OCM: variants seen among roughly 807,000 people sequenced by gnomAD.
The protein encoded by OCM is oncomodulin-1.
Under a neutral mutation model 14.1 loss-of-function variants are expected in OCM, and 18 were observed. That is an observed-to-expected ratio of 1.28 (90% CI 0.88 to 1.89). The LOEUF (loss-of-function observed/expected upper bound fraction) is 1.89, where lower values mean the gene tolerates loss of function less well. Ranked by LOEUF, OCM falls within the 40% of genes most tolerant of loss-of-function variation. The probability of loss-of-function intolerance (pLI) is 0.00; values close to 1 mark genes in which losing one functional copy is unlikely to be tolerated. For synonymous variants in OCM, 48 were observed against 51.0 expected (o/e 0.94, Z 0.25); for missense variants, 140 against 137.6 (o/e 1.02, Z -0.09).
chr7:5,880,920 G>A lies in OCM; in HGVS notation c.31G>A (p.Asp11Asn), dbSNP rs749083347. The A allele has an allele frequency of 1.4e-5, 22 of 1,613,788 alleles. No homozygotes were observed. The highest frequency in any genetic ancestry group is 8.3e-5 in the Admixed American group (5 of 59,956). MSITDVLSADDIAAALQECRD... is the reference protein window; with the variant it reads MSITDVLSADNIAAALQECRD... ...CATCACGGACGTGCTCAGTGCTGAC[G>A]ACATTGCAGCAGCGCTCCAGGAATG... The change falls in exon 1 of 4, where the codon GAC (aspartate) becomes AAC (asparagine). Residue 11 changes from aspartate to asparagine, a missense_variant. Physicochemically the swap from Asp to Asn is conservative, Grantham distance 23 (BLOSUM62 1). Coordinates refer to ENST00000242104, the MANE Select transcript of OCM (RefSeq NM_001097622.2).
At chr7:5,884,449 T>C (rs1781292132) in intron 3 of OCM, among the ~76,000 whole-genome samples, 1 of 152,176 alleles carries the variant, frequency 6.6e-6, no homozygotes. Flanking sequence ...TAGACAAATA[T>C]ATTTTATTGG....
chr7:5,864,689 T>C, the OCM span, among the ~76,000 whole-genome samples: 1 of 152,038 alleles, frequency 6.6e-6, no homozygotes, highest in Non-Finnish European at 1.5e-5. Context: ...GCACCGTGGC[T>C]CACACCTGTA....
At chr7:5,863,392 G>GA in the OCM span, among the ~76,000 whole-genome samples, 2 of 152,094 alleles carry the variant, frequency 1.3e-5, no homozygotes, top group Non-Finnish European at 2.9e-5. Context: ...TAATGGGAAA[G>GA]ATCTATTAGG....
At chr7:5,860,657 T>A in the OCM span, among the ~76,000 whole-genome samples, 6 of 86,238 alleles carry the variant, frequency 7.0e-5, 3 homozygotes, top group Admixed American at 2.5e-4. Flanking sequence ...GTATATATAT[T>A]ACGTATATAT....
chr7:5,866,537 C>T, the OCM span, among the ~76,000 whole-genome samples: 4 of 151,824 alleles, frequency 2.6e-5, no homozygotes, highest in Non-Finnish European at 4.4e-5. Context: ...TTTCCTGCCT[C>T]CTTGATAGGA....
the OCM span, among the ~76,000 whole-genome samples, chr7:5,870,341 G>A: frequency 6.6e-6 from 1 of 152,028 alleles, no homozygotes; most frequent in African/African-American, 2.4e-5. Flanking sequence ...CAAACCCCTG[G>A]GCTCAAGCCA....
the OCM span, among the ~76,000 whole-genome samples, chr7:5,872,839 C>T: frequency 1.3e-5 from 2 of 151,862 alleles, no homozygotes; most frequent in Admixed American, 6.6e-5. Flanking sequence ...CTGCCACATC[C>T]CCCTCTCCGA....
chr7:5,860,461 T>TTACGTATATATACGTGTATATATATA, the OCM span, among the ~76,000 whole-genome samples: 1 of 111,446 alleles, frequency 9.0e-6, no homozygotes, highest in African/African-American at 3.6e-5. Context: ...ATGTATATTA[T>TTACGTATATATACGTGTATATATATA]TACGTATATA....
the OCM span, among the ~76,000 whole-genome samples, chr7:5,873,599 C>T: frequency 6.6e-6 from 1 of 152,058 alleles, no homozygotes; most frequent in Admixed American, 6.6e-5. Context: ...CCTGCCTCAG[C>T]CTCCCAGAAT....
At chr7:5,860,874 A>G in the OCM span, among the ~76,000 whole-genome samples, 1 of 150,236 alleles carries the variant, frequency 6.7e-6, no homozygotes, top group Non-Finnish European at 1.5e-5. Context: ...ATATATATTT[A>G]TTTATTTATT....
chr7:5,877,585 G>A (rs775895707), upstream of OCM, among the ~76,000 whole-genome samples: 54 of 151,366 alleles, frequency 3.6e-4, no homozygotes, highest in East Asian at 5.9e-4. Flanking sequence ...TTGGGAGGCC[G>A]AGGCAGGTGG....
At chr7:5,873,728 T>A in the OCM span, among the ~76,000 whole-genome samples, 1 of 152,038 alleles carries the variant, frequency 6.6e-6, no homozygotes, top group Non-Finnish European at 1.5e-5. Context: ...CACAGTTGTT[T>A]CCATTCCCAA....
chr7:5,866,409 G>T, the OCM span, among the ~76,000 whole-genome samples: 26 of 93,112 alleles, frequency 2.8e-4, no homozygotes, highest in Non-Finnish European at 4.7e-4. Flanking sequence ...AAGAAGGAAG[G>T]GGGGGAGAGA....
chr7:5,877,933 A>G (rs1254931424), upstream of OCM, among the ~76,000 whole-genome samples: 1 of 151,164 alleles, frequency 6.6e-6, no homozygotes, highest in Non-Finnish European at 1.5e-5. Flanking sequence ...CAAATACTAT[A>G]TGATTACACT....
chr7:5,878,603 C>T (rs1041618602), upstream of OCM, among the ~76,000 whole-genome samples: 9 of 151,480 alleles, frequency 5.9e-5, no homozygotes, highest in South Asian at 2.1e-4. Flanking sequence ...AAAAATTAGC[C>T]GGGTGTTGTG....
At chr7:5,873,089 T>G in the OCM span, among the ~76,000 whole-genome samples, 3 of 151,788 alleles carry the variant, frequency 2.0e-5, no homozygotes. Flanking sequence ...AATTAAAAAA[T>G]TAAGGCCAGG....
At chr7:5,867,926 TG>T in the OCM span, among the ~76,000 whole-genome samples, 1 of 151,914 alleles carries the variant, frequency 6.6e-6, no homozygotes, top group African/African-American at 2.4e-5. Flanking sequence ...TTTGTAGAGA[TG>T]GGGTTCCACC....
the OCM span, among the ~76,000 whole-genome samples, chr7:5,860,177 T>G: frequency 2.6e-5 from 4 of 151,886 alleles, no homozygotes; most frequent in Non-Finnish European, 4.4e-5. Flanking sequence ...TTCTCCTTAA[T>G]TAACTCACTT....
intron 2 of OCM, 137 bp from the exon 3 acceptor site, chr7:5,883,753 A>C: frequency 2.3e-6 from 2 of 866,730 alleles, no homozygotes; most frequent in Non-Finnish European, 3.6e-6. Context: ...AGCTTAAGGA[A>C]ACCTTTGCTT....
Sources: allele counts gnomAD v4.1 joint callset (sites outside exome capture counted in the v4.1 genomes callset), GRCh38; gene constraint gnomAD v4.1.1; transcripts MANE v1.5; gene names NCBI Gene and HGNC (gene_info 2026-07-23, HGNC 2026-07-21).